CNTNAP2: variants seen among roughly 807,000 people sequenced by gnomAD.
The protein encoded by CNTNAP2 is contactin associated protein 2.
CNTNAP2 carries 98 observed loss-of-function variants against 155.2 expected under a neutral mutation model. The ratio of observed to expected loss-of-function variants is 0.63; its 90% CI spans 0.54 to 0.75. The LOEUF (loss-of-function observed/expected upper bound fraction) is 0.75. CNTNAP2 is among the 30% of genes least tolerant of loss of function. CNTNAP2 has a pLI of 0.00. For missense variants in CNTNAP2, 1,727 were observed against 1,688.1 expected (o/e 1.02, Z -0.40); for synonymous variants, 651 against 631.2 (o/e 1.03, Z -0.47).
chr7:147,743,252 A>T (rs1796981409), intron 13 of CNTNAP2, among the ~76,000 whole-genome samples: 1 of 152,270 alleles, frequency 6.6e-6, no homozygotes, highest in Non-Finnish European at 1.5e-5. Flanking sequence ...TCCTGGGAAA[A>T]CACACCTGTA....
chr7:146,970,405 T>A (rs1257035042), intron 3 of CNTNAP2, among the ~76,000 whole-genome samples: 1 of 151,970 alleles, frequency 6.6e-6, no homozygotes, highest in African/African-American at 2.4e-5. Context: ...GCAAAGGACA[T>A]GAACAGACAC....
chr7:148,301,734 G>A (rs1797395108), intron 21 of CNTNAP2, among the ~76,000 whole-genome samples: 1 of 152,186 alleles, frequency 6.6e-6, no homozygotes. Flanking sequence ...CAGTGGGATG[G>A]CCTTAACAAA....
At chr7:146,538,103 A>G (rs1797897355) in intron 1 of CNTNAP2, among the ~76,000 whole-genome samples, 2 of 152,176 alleles carry the variant, frequency 1.3e-5, no homozygotes, top group African/African-American at 2.4e-5. Context: ...ATGAGAGACC[A>G]TGGTAGCCTA....
intron 21 of CNTNAP2, among the ~76,000 whole-genome samples, chr7:148,268,223 G>A (rs1796709335): frequency 6.6e-6 from 1 of 152,198 alleles, no homozygotes; most frequent in African/African-American, 2.4e-5. Context: ...AGATGGTGGT[G>A]ATGTACAGGT....
chr7:147,837,927 C>G (rs1258242993), intron 13 of CNTNAP2, among the ~76,000 whole-genome samples: 1 of 152,206 alleles, frequency 6.6e-6, no homozygotes, highest in Non-Finnish European at 1.5e-5. Context: ...GTGTCTACAG[C>G]TCTTCCAGGT....
rs57234097 is a variant in CNTNAP2 at position 146,125,581 on chromosome 7, C to CAAAA, written c.97+8630_97+8633dup. Among the ~76,000 whole-genome samples the CAAAA allele has an allele frequency of 7.6e-4, 45 of 58,858 alleles. 1 individual carries two copies. The highest frequency in any genetic ancestry group is 2.3e-3 in the African/African-American group (36 of 15,722). The allele number at this position is 58,858 out of a possible 152,430, so 38.6% of individuals were successfully genotyped here. On this transcript the variant is annotated intron_variant, in intron 1 of 23. Coordinates refer to ENST00000361727, the MANE Select transcript of CNTNAP2 (RefSeq NM_014141.6). ...ACAGAGCAGAGCGAGACTCCGTCTC[C>CAAAA]AAAAAAAAAAAAAAAAAAAAAAAAA...
At chr7:147,776,341 G>A (rs1797586598) in intron 13 of CNTNAP2, among the ~76,000 whole-genome samples, 1 of 148,672 alleles carries the variant, frequency 6.7e-6, no homozygotes. Context: ...TAAAATGAAT[G>A]TAAAAGGAAA....
Position 146,174,077 on chromosome 7 carries a change from C to A in CNTNAP2, c.97+57104C>A, listed in dbSNP as rs1242244194. Among the ~76,000 whole-genome samples the A allele has an allele frequency of 3.3e-5, 5 of 151,864 alleles. No homozygotes were observed. The East Asian group carries it at 9.7e-4, about 29-fold the overall frequency. ...AATAATAACCAGAGATGGTTGTGCA[C>A]ATTTGTAGTCCCAGCTATTCAGGAA... is the stretch of plus-strand genomic sequence containing the variant. On this transcript the variant is annotated intron_variant, in intron 1 of 23. Transcript: ENST00000361727.
At chr7:146,549,835 G>T (rs1461951359) in intron 1 of CNTNAP2, among the ~76,000 whole-genome samples, 2 of 152,044 alleles carry the variant, frequency 1.3e-5, no homozygotes, top group Non-Finnish European at 2.9e-5. Context: ...AGAAGCAGAA[G>T]CCTGTCAAAG....
chr7:148,069,902 C>A (rs186118619), intron 15 of CNTNAP2, among the ~76,000 whole-genome samples: 1 of 152,098 alleles, frequency 6.6e-6, no homozygotes, highest in Non-Finnish European at 1.5e-5. Context: ...AAATTAGATT[C>A]TAGATATTAT....
At chr7:146,304,324 G>A (rs768880610) in intron 1 of CNTNAP2, among the ~76,000 whole-genome samples, 2 of 152,000 alleles carry the variant, frequency 1.3e-5, no homozygotes, top group Non-Finnish European at 1.5e-5. Context: ...GATGTTAGCT[G>A]GCTCTTTTGC....
At chr7:146,666,850 T>C (rs532410404) in intron 1 of CNTNAP2, among the ~76,000 whole-genome samples, 2 of 152,252 alleles carry the variant, frequency 1.3e-5, no homozygotes, top group South Asian at 4.1e-4. Flanking sequence ...TTTTGCTGTT[T>C]AGATGTTTGA....
At chr7:146,650,204 C>G (rs1000697668) in intron 1 of CNTNAP2, among the ~76,000 whole-genome samples, 2 of 152,060 alleles carry the variant, frequency 1.3e-5, no homozygotes, top group Non-Finnish European at 1.5e-5. Flanking sequence ...GGTATATACC[C>G]AAAGGATTAT....
intron 1 of CNTNAP2, among the ~76,000 whole-genome samples, chr7:146,407,369 T>A (rs1224020387): frequency 6.6e-6 from 1 of 152,206 alleles, no homozygotes; most frequent in Non-Finnish European, 1.5e-5. Flanking sequence ...ATGCTGTTAC[T>A]ACTGTGGTTC....
At chr7:148,076,090 T>A in intron 15 of CNTNAP2, among the ~76,000 whole-genome samples, 1 of 152,164 alleles carries the variant, frequency 6.6e-6, no homozygotes. Context: ...ATGAAAGACT[T>A]AAGTTATTAC....
intron 13 of CNTNAP2, among the ~76,000 whole-genome samples, chr7:147,881,887 G>A (rs1247825306): frequency 1.3e-5 from 2 of 152,000 alleles, no homozygotes; most frequent in East Asian, 1.9e-4. Flanking sequence ...TAGGAGCATC[G>A]CTTGAACCTG....
chr7:147,463,573 G>A (rs2116592682), intron 10 of CNTNAP2, among the ~76,000 whole-genome samples: 1 of 152,282 alleles, frequency 6.6e-6, no homozygotes, highest in African/African-American at 2.4e-5. Context: ...GCCTTCTGAA[G>A]GATCAGAAAA....
chr7:146,252,991 G>A (rs1401229693), intron 1 of CNTNAP2, among the ~76,000 whole-genome samples: 1 of 152,104 alleles, frequency 6.6e-6, no homozygotes, highest in Non-Finnish European at 1.5e-5. Flanking sequence ...TTTATGTACA[G>A]TCTTATTCCT....
At chr7:147,593,197 T>C (rs926617772) in intron 12 of CNTNAP2, among the ~76,000 whole-genome samples, 2 of 148,100 alleles carry the variant, frequency 1.4e-5, no homozygotes, top group South Asian at 2.2e-4. Context: ...GTGCACTTTC[T>C]TAAGACCTTC....
Sources: allele counts gnomAD v4.1 joint callset (sites outside exome capture counted in the v4.1 genomes callset), GRCh38; gene constraint gnomAD v4.1.1; transcripts MANE v1.5; gene names NCBI Gene and HGNC (gene_info 2026-07-23, HGNC 2026-07-21).